Variants in ASB13 observed in about 807,000 individuals in gnomAD.
ASB13 encodes the protein ankyrin repeat and SOCS box containing 13.
ASB13 carries 33 observed loss-of-function variants against 28.8 expected under a neutral mutation model. The ratio of observed to expected loss-of-function variants is 1.15; its 90% CI spans 0.87 to 1.53. ASB13 has a LOEUF of 1.53. Ranked by LOEUF, ASB13 falls within the 40% of genes most tolerant of loss-of-function variation. The probability of loss-of-function intolerance (pLI) is 0.00; values close to 1 mark genes in which losing one functional copy is unlikely to be tolerated. For synonymous variants in ASB13, 182 were observed against 172.9 expected (o/e 1.05, Z -0.41); for missense variants, 414 against 390.1 (o/e 1.06, Z -0.52).
At chr10:5,648,475 TAAACACCCACTCGGGC>T (rs1564216916) in intron 4 of ASB13, among the ~76,000 whole-genome samples, 1 of 108,892 alleles carries the variant, frequency 9.2e-6, no homozygotes, top group Non-Finnish European at 2.0e-5. Flanking sequence ...CCCACTCAGG[TAAACACCCACTCGGGC>T]AAACACCCAC....
At chr10:5,654,962 C>G (rs7904109) in intron 1 of ASB13, among the ~76,000 whole-genome samples, 1 of 151,794 alleles carries the variant, frequency 6.6e-6, no homozygotes, top group East Asian at 1.9e-4. Context: ...ATTACCTGGG[C>G]GTGGTGGTGC....
chr10:5,643,676 G>C (rs973104229), intron 4 of ASB13, among the ~76,000 whole-genome samples: 5 of 152,168 alleles, frequency 3.3e-5, no homozygotes, highest in African/African-American at 9.7e-5. Flanking sequence ...ATCATAACAC[G>C]AAGTAAATTT....
Position 5,641,199 on chromosome 10 carries a change from T to TCAAGCAATTCTCCTGCCTC in ASB13, c.710-388_710-370dup, listed in dbSNP as rs891297224. 6.6e-6 allele frequency among the ~76,000 whole-genome samples: 1 copy of TCAAGCAATTCTCCTGCCTC among 152,132 alleles called. No homozygotes were observed. Among genetic ancestry groups the TCAAGCAATTCTCCTGCCTC allele is most frequent in the Non-Finnish European group, 1.5e-5 (1 of 68,022 alleles). ...TCACTGCAACCTCCGCCTCCTGCATTCAAGCAATTCTCCTGCCTCAACCTC... is the reference window on the plus strand; with the variant it reads ...TCACTGCAACCTCCGCCTCCTGCATTCAAGCAATTCTCCTGCCTCCAAGCAATTCTCCTGCCTCAACCTC... On this transcript the variant is annotated intron_variant, in intron 5 of 5. Coordinates refer to ENST00000357700, the MANE Select transcript of ASB13 (RefSeq NM_024701.4). This position sits in a 1 kb window ranked among gnomAD's most constrained non-coding sequence, Gnocchi z 8.4.
intron 1 of ASB13, among the ~76,000 whole-genome samples, chr10:5,654,052 G>C (rs771522862): frequency 1.3e-5 from 2 of 151,638 alleles, no homozygotes; most frequent in South Asian, 2.1e-4. Context: ...AAAGGGGTGA[G>C]AGCCAACATC....
At position 5,641,687 on chromosome 10, in the gene ASB13, G is replaced by A. The variant is rs1002475095; in HGVS notation, c.709+83C>T. The A allele has an allele frequency of 2.9e-5, 41 of 1,424,944 alleles. No individual in the cohort carries two copies. Among genetic ancestry groups the A allele is most frequent in the Non-Finnish European group, 3.5e-5 (37 of 1,054,862 alleles). The allele number at this position is 1,424,944 out of a possible 1,614,324, so 88.3% of individuals were successfully genotyped here. On this transcript the variant is annotated intron_variant, in intron 5 of 5. Coordinates refer to ENST00000357700, the MANE Select transcript of ASB13 (RefSeq NM_024701.4). The surrounding 1 kb of genome is among the most constrained non-coding windows in gnomAD (Gnocchi z 8.4). ...GCCAGGACTAACAGCCCAGCTCTCC[G>A]CGGAAGCCCACAGGGAGCCGGCACG...
rs1834803407 is a variant in ASB13 at position 5,641,159 on chromosome 10, C to T, written c.710-329G>A. ...CTCTGTCACCCAGGCTGGAGTGCAG[C>T]GGCACAATCTCAGCTCACTGCAACC... is the stretch of plus-strand genomic sequence containing the variant. On this transcript the variant is annotated intron_variant, in intron 5 of 5. Transcript: ENST00000357700. This position sits in a 1 kb window ranked among gnomAD's most constrained non-coding sequence, Gnocchi z 8.4. Among the ~76,000 whole-genome samples the T allele has an allele frequency of 6.6e-6, 1 of 152,076 alleles. No individual in the cohort carries two copies. Among genetic ancestry groups the T allele is most frequent in the Non-Finnish European group, 1.5e-5 (1 of 67,998 alleles).
At chr10:5,647,636 GA>G (rs1252319267) in intron 4 of ASB13, among the ~76,000 whole-genome samples, 3 of 152,202 alleles carry the variant, frequency 2.0e-5, no homozygotes, top group Non-Finnish European at 2.9e-5. Context: ...GTGATCTCTA[GA>G]AATAATCATT....
rs756898743 is a variant in ASB13 at position 5,651,278 on chromosome 10, G to A, written c.317C>T (p.Ser106Phe). The A allele has an allele frequency of 6.2e-7, 1 of 1,614,122 alleles. No homozygotes were observed. Among genetic ancestry groups the A allele is most frequent in the Non-Finnish European group, 8.5e-7 (1 of 1,179,998 alleles). The change falls in exon 3 of 6, where the codon TCC becomes TTC. Residue 106 changes from serine to phenylalanine, a missense_variant. Transcript: ENST00000357700. The surrounding 1 kb of genome is among the most constrained non-coding windows in gnomAD (Gnocchi z 5.1). ...GGGAGGGTTGACCTTGGCCCCGTAG[G>A]ACAGCAAGAGCTTCACACACTCGAT... ...GSIECVKLLL[S>F]YGAKVNPPLY...
chr10:5,649,617 C>G lies in ASB13; in HGVS notation c.383-513G>C, dbSNP rs1197988684. The stretch of plus-strand genomic sequence containing the variant: ...CTCAGCTCACTACAACCGCCATCTC[C>G]CGGGTTAAAGCGATTCTCCCACCTC... On this transcript the variant is annotated intron_variant, in intron 3 of 5. Coordinates refer to ENST00000357700, the MANE Select transcript of ASB13 (RefSeq NM_024701.4). The surrounding 1 kb of genome is among the most constrained non-coding windows in gnomAD (Gnocchi z 6.4). Among the ~76,000 whole-genome samples, 1 of 151,804 alleles carries G rather than the reference C, an allele frequency of 6.6e-6. No homozygotes were observed. Among genetic ancestry groups the G allele is most frequent in the East Asian group, 1.9e-4 (1 of 5,178 alleles).
rs547989346 is a variant in ASB13 at position 5,663,423 on chromosome 10, G to A, written c.43+3086C>T. Reference sequence around the variant, plus strand: ...CACTCACCCAATTATCTGCTACCCCGACTCCTCCCTTGCCCCTGGTCCACC... The same window carrying A: ...CACTCACCCAATTATCTGCTACCCCAACTCCTCCCTTGCCCCTGGTCCACC... On this transcript the variant is annotated intron_variant, in intron 1 of 5. Coordinates refer to ENST00000357700, the MANE Select transcript of ASB13 (RefSeq NM_024701.4). This position sits in a 1 kb window ranked among gnomAD's most constrained non-coding sequence, Gnocchi z 4.9. Among the ~76,000 whole-genome samples the A allele has an allele frequency of 1.2e-4, 18 of 151,956 alleles. No homozygotes were observed. Among genetic ancestry groups the A allele is most frequent in the East Asian group, 1.2e-3 (6 of 5,154 alleles).
At chr10:5,640,958 G>T in intron 5 of ASB13, 128 bp from the exon 6 acceptor site, 1 of 1,239,790 alleles carries the variant, frequency 8.1e-7, no homozygotes. Flanking sequence ...GTGTCCTGTA[G>T]GCCTTCTCTG....
At chr10:5,666,106 T>C (rs1455665857) in intron 1 of ASB13, among the ~76,000 whole-genome samples, 6 of 152,138 alleles carry the variant, frequency 3.9e-5, no homozygotes, top group Admixed American at 6.5e-5. Context: ...GTTTAGCTCT[T>C]ACCGTGGGCT....
intron 4 of ASB13, among the ~76,000 whole-genome samples, chr10:5,648,044 C>T (rs61832708): frequency 4.8e-4 from 52 of 108,124 alleles, no homozygotes; most frequent in African/African-American, 1.4e-3. Context: ...CCTACTCAGG[C>T]AAACACCCAC....
chr10:5,640,752 G>A lies in ASB13; in HGVS notation c.788C>T (p.Ala263Val). 1 of 1,614,156 alleles carries A rather than the reference G, an allele frequency of 6.2e-7. No individual in the cohort carries two copies. The highest frequency in any genetic ancestry group is 8.5e-7 in the Non-Finnish European group (1 of 1,180,022). ...GAGCCGGGGCGGGATGTTTAACTTG[G>A]CAATCTTCTCCAGCCCTCGGACGCC... ...ATGVRGLEKI[A>V]KLNIPPRLID... Residue 263 changes from alanine (A) to valine (V), a missense_variant, in exon 6 of 6, where the codon GCC becomes GTC. By Grantham distance (64) the Ala-to-Val change is moderately conservative (BLOSUM62 0). Transcript: ENST00000357700.
rs1159216499 is a variant in ASB13 at position 5,649,408 on chromosome 10, C to CT, written c.383-305_383-304insA. ...TAGAATGGGTCAGGGAAAACTCCCC[C>CT]GCTGCCCCCCTGCCCTGTGTCTACC... On this transcript the variant is annotated intron_variant, in intron 3 of 5. Coordinates refer to ENST00000357700, the MANE Select transcript of ASB13 (RefSeq NM_024701.4). This position sits in a 1 kb window ranked among gnomAD's most constrained non-coding sequence, Gnocchi z 6.4. Among the ~76,000 whole-genome samples, 1 of 152,148 alleles carries CT rather than the reference C, an allele frequency of 6.6e-6. No individual in the cohort carries two copies. The highest frequency in any genetic ancestry group is 1.5e-5 in the Non-Finnish European group (1 of 68,008).
intron 4 of ASB13, 41 bp downstream of exon 4, chr10:5,648,929 C>T (rs1371393530): frequency 1.2e-6 from 2 of 1,607,674 alleles, no homozygotes; most frequent in South Asian, 2.2e-5. Flanking sequence ...CGGGCAAACA[C>T]CCACTCAGGT....
Position 5,640,605 on chromosome 10 carries a change from C to T in ASB13, c.*98G>A. 1 of 1,486,198 alleles carries T rather than the reference C, an allele frequency of 6.7e-7. No homozygotes were observed. The highest frequency in any genetic ancestry group is 9.3e-7 in the Non-Finnish European group (1 of 1,075,402). The allele number at this position is 1,486,198 out of a possible 1,614,324, so 92.1% of individuals were successfully genotyped here. A position where few individuals can be genotyped will look rare whatever the true frequency, so the allele number is the denominator to read the frequency against. ...GGGACTCGAAGGAGCGTTGTTCTAT[C>T]TACAGCAATCACGCTGCTTCAGAGG... is the stretch of plus-strand genomic sequence containing the variant. On this transcript the variant is annotated 3_prime_UTR_variant, in exon 6 of 6. Coordinates refer to ENST00000357700, the MANE Select transcript of ASB13 (RefSeq NM_024701.4).
rs945701032 is a variant in ASB13 at position 5,658,556 on chromosome 10, G to A, written c.44-5506C>T. ...AGAAAGGTAGTTGCCAGGGGCTTGG[G>A]GGAGGAGAAATGGGGAGTTAGTGTT... is the stretch of plus-strand genomic sequence containing the variant. On this transcript the variant is annotated intron_variant, in intron 1 of 5. Coordinates refer to ENST00000357700, the MANE Select transcript of ASB13 (RefSeq NM_024701.4). The surrounding 1 kb of genome is among the most constrained non-coding windows in gnomAD (Gnocchi z 4.2). Among the ~76,000 whole-genome samples, 11 of 152,186 alleles carry A rather than the reference G, an allele frequency of 7.2e-5. No homozygotes were observed. The highest frequency in any genetic ancestry group is 2.4e-4 in the African/African-American group (10 of 41,448).
intron 1 of ASB13, among the ~76,000 whole-genome samples, chr10:5,666,225 C>T (rs376541555): frequency 6.6e-6 from 1 of 151,846 alleles, no homozygotes; most frequent in East Asian, 1.9e-4. Context: ...GCGCGCGGCG[C>T]TCGGTGGGTT....
Sources: allele counts gnomAD v4.1 joint callset (sites outside exome capture counted in the v4.1 genomes callset), GRCh38; gene constraint gnomAD v4.1.1; non-coding constraint Gnocchi (gnomAD v3.1); transcripts MANE v1.5; gene names NCBI Gene and HGNC (gene_info 2026-07-23, HGNC 2026-07-21).